Variants in TDP2 observed in about 807,000 individuals in gnomAD.
The protein encoded by TDP2 is tyrosyl-DNA phosphodiesterase 2.
TDP2 carries 38 observed loss-of-function variants against 42.8 expected under a neutral mutation model. That is an observed-to-expected ratio of 0.89 (90% CI 0.68 to 1.16). The LOEUF (loss-of-function observed/expected upper bound fraction) is 1.16, where lower values mean the gene tolerates loss of function less well. Ranked by LOEUF, TDP2 falls within the 50% of genes most tolerant of loss-of-function variation. TDP2 has a pLI of 0.00. For missense variants in TDP2, 439 were observed against 439.3 expected (o/e 1.00, Z 0.01); for synonymous variants, 173 against 150.6 (o/e 1.15, Z -1.09).
chr6:24,663,697 C>T (rs558110703), intron 2 of TDP2, among the ~76,000 whole-genome samples: 1 of 152,288 alleles, frequency 6.6e-6, no homozygotes, highest in South Asian at 2.1e-4. Flanking sequence ...CCATGTGATA[C>T]CTGGGCTCCC....
chr6:24,661,844 T>C (rs1778154759), intron 2 of TDP2, among the ~76,000 whole-genome samples: 1 of 152,072 alleles, frequency 6.6e-6, no homozygotes, highest in Non-Finnish European at 1.5e-5. Flanking sequence ...ATCAGACTGT[T>C]ACTGTGTCTA....
At chr6:24,658,832 A>G (rs1778097446) in intron 2 of TDP2, 98 bp from the exon 3 acceptor site, 4 of 1,271,290 alleles carry the variant, frequency 3.1e-6, no homozygotes, top group Admixed American at 2.3e-5. Context: ...ACAAATTTTA[A>G]AAGAGCCCTA....
chr6:24,654,659 A>C (rs1778031478), intron 4 of TDP2, 129 bp from the exon 5 acceptor site: 3 of 588,972 alleles, frequency 5.1e-6, no homozygotes, highest in Non-Finnish European at 8.9e-6. Context: ...TAAATCTTTA[A>C]ACTATTATTT....
At chr6:24,665,831 T>A (rs3756817) in intron 2 of TDP2, among the ~76,000 whole-genome samples, 19,293 of 152,070 alleles carry the variant, frequency 0.13, 2,230 homozygotes, top group East Asian at 0.45. Flanking sequence ...AAATCATGTC[T>A]CAGCTTGGGG....
intron 2 of TDP2, chr6:24,665,982 G>C (rs1181414420): frequency 3.1e-5 from 37 of 1,194,526 alleles, no homozygotes; most frequent in Non-Finnish European, 3.8e-5. Context: ...AACCTGGAAA[G>C]GCAGGTTCTA....
chr6:24,653,105 T>G lies in TDP2; in HGVS notation c.685A>C (p.Ser229Arg). The G allele has an allele frequency of 6.2e-7, 1 of 1,614,154 alleles. No individual in the cohort carries two copies. ...ELCLMTSHLE[S>R]TRGHAAERMN... ...CGTTCCGCAGCATGCCCTCTGGTGC[T>G]CTCCAAATGGGATGTCATAAGGCAA... is the stretch of plus-strand genomic sequence containing the variant. The change falls in exon 6 of 7, where the codon AGC (serine) becomes CGC (arginine). Residue 229 changes from serine (S) to arginine (R), a missense_variant. Ser to Arg is a moderately radical substitution (Grantham distance 110, BLOSUM62 -1). Transcript: ENST00000378198.
intron 2 of TDP2, among the ~76,000 whole-genome samples, chr6:24,664,118 C>T (rs888853920): frequency 6.6e-6 from 1 of 152,066 alleles, no homozygotes; most frequent in African/African-American, 2.4e-5. Context: ...ATGTGTTAGG[C>T]CAGTGCTCCT....
At chr6:24,651,994 A>C (rs1213787948) in intron 6 of TDP2, among the ~76,000 whole-genome samples, 1 of 152,132 alleles carries the variant, frequency 6.6e-6, no homozygotes, top group Non-Finnish European at 1.5e-5. Context: ...TCCCCAACTG[A>C]AACTCTGTAC....
intron 2 of TDP2, among the ~76,000 whole-genome samples, chr6:24,661,787 T>C (rs965997170): frequency 1.2e-4 from 18 of 151,760 alleles, no homozygotes; most frequent in African/African-American, 4.4e-4. Flanking sequence ...TATTCAACAA[T>C]GAGCTATTAG....
At chr6:24,651,149 T>C in intron 6 of TDP2, 80 bp from the exon 7 acceptor site, 1 of 1,154,026 alleles carries the variant, frequency 8.7e-7, no homozygotes, top group Non-Finnish European at 1.2e-6. Context: ...AAAGGTGTTT[T>C]TGCTATTACC....
At chr6:24,664,332 A>T (rs1285728656) in intron 2 of TDP2, among the ~76,000 whole-genome samples, 6 of 144,434 alleles carry the variant, frequency 4.2e-5, no homozygotes, top group Admixed American at 6.9e-5. Context: ...ACAGCTAATA[A>T]AAAAAAAAAA....
chr6:24,664,839 C>CCATCAACACCTAATCAACAAGACAAG (rs1352173105), intron 2 of TDP2, among the ~76,000 whole-genome samples: 1 of 152,206 alleles, frequency 6.6e-6, no homozygotes, highest in Non-Finnish European at 1.5e-5. Flanking sequence ...CAAGAGACCA[C>CCATCAACACCTAATCAACAAGACAAG]AGCCTAATCA....
At position 24,653,091 on chromosome 6, in the gene TDP2, A is replaced by G. The variant is rs1778000059; in HGVS notation, c.699T>C (p.His233=). 1 of 1,614,052 alleles carries G rather than the reference A, an allele frequency of 6.2e-7. No individual in the cohort carries two copies. The part of the protein sequence containing the change: ...MTSHLESTRG[H]AAERMNQLKM... ...TTAACTGATTCATTCGTTCCGCAGCATGCCCTCTGGTGCTCTCCAAATGGG... is the reference window on the plus strand; with the variant it reads ...TTAACTGATTCATTCGTTCCGCAGCGTGCCCTCTGGTGCTCTCCAAATGGG... Residue 233 remains histidine (H), a synonymous_variant, in exon 6 of 7, where the codon CAT becomes CAC. Transcript: ENST00000378198.
chr6:24,658,136 C>T (rs191674833), intron 3 of TDP2, among the ~76,000 whole-genome samples: 24 of 152,206 alleles, frequency 1.6e-4, no homozygotes, highest in Non-Finnish European at 3.1e-4. Flanking sequence ...CAATAGAAAC[C>T]GCCATATTGA....
Position 24,657,790 on chromosome 6 carries a change from GTT to G in TDP2, c.517+20_517+21del. The G allele has an allele frequency of 3.6e-6, 5 of 1,394,810 alleles. No individual in the cohort carries two copies. Among genetic ancestry groups the G allele is most frequent in the Non-Finnish European group, 4.0e-6 (4 of 1,009,728 alleles). The allele number at this position is 1,394,810 out of a possible 1,614,324, so 86.4% of individuals were successfully genotyped here. A position where few individuals can be genotyped will look rare whatever the true frequency, so the allele number is the denominator to read the frequency against. On this transcript the variant is annotated intron_variant, in intron 4 of 6. Coordinates refer to ENST00000378198, the MANE Select transcript of TDP2 (RefSeq NM_016614.3). ...GATCTGTTTTTCAAAGAAAAGACAA[GTT>G]GAATAACAAAAATTGTTACCTGTAA...
intron 2 of TDP2, among the ~76,000 whole-genome samples, chr6:24,662,584 C>G (rs781034440): frequency 1.3e-4 from 19 of 148,344 alleles, no homozygotes; most frequent in Non-Finnish European, 2.1e-4. Context: ...CCTGTCGCAT[C>G]CCCCTCACCG....
chr6:24,664,385 A>C (rs573779224), intron 2 of TDP2, among the ~76,000 whole-genome samples: 42 of 152,068 alleles, frequency 2.8e-4, no homozygotes, highest in African/African-American at 1.0e-3. Flanking sequence ...AGACTAATGA[A>C]ATTAGAATCT....
chr6:24,659,538 G>A (rs1354997152), intron 2 of TDP2, among the ~76,000 whole-genome samples: 1 of 152,104 alleles, frequency 6.6e-6, no homozygotes, highest in African/African-American at 2.4e-5. Flanking sequence ...TGCTCACTTA[G>A]GCAGTTATAA....
At position 24,666,757 on chromosome 6, in the gene TDP2, C is replaced by T. The variant is rs1383943146; in HGVS notation, c.106G>A (p.Ala36Thr). 6.2e-7 allele frequency: 1 copy of T among 1,614,252 alleles called. No homozygotes were observed. The highest frequency in any genetic ancestry group is 8.5e-7 in the Non-Finnish European group (1 of 1,180,042). The change falls in exon 1 of 7, where the codon GCA becomes ACA. Residue 36 changes from alanine (A) to threonine (T), a missense_variant. Coordinates refer to ENST00000378198, the MANE Select transcript of TDP2 (RefSeq NM_016614.3). ...RLLCVEFASV[A>T]SCDAAVAQCF... ...TGAGCCACTGCGGCATCGCAGCTTG[C>T]GACCGAGGCAAACTCCACACACAGA...
Sources: gnomAD v4.1 joint callset for allele counts (sites outside exome capture counted in the v4.1 genomes callset) on GRCh38, gnomAD v4.1.1 for gene constraint, MANE v1.5 for transcripts, NCBI Gene and HGNC (gene_info 2026-07-23, HGNC 2026-07-21) for gene names.